MRPS5: variants seen among roughly 807,000 people sequenced by gnomAD.
MRPS5 encodes small ribosomal subunit protein uS5m.
A neutral mutation model predicts 51.9 loss-of-function variants in MRPS5; 27 were observed. The observed-to-expected ratio is 0.52, with a 90% CI of 0.38 to 0.72. The LOEUF is 0.72. Ranked by LOEUF, MRPS5 falls within the 30% of genes least tolerant of loss-of-function variation. MRPS5 has a pLI of 0.00. For missense variants in MRPS5, 570 were observed against 545.7 expected, an observed-to-expected ratio of 1.04 and a Z score of -0.44; for synonymous variants, 196 against 193.2, an observed-to-expected ratio of 1.01 and a Z score of -0.12.
In MRPS5 at chr2:95,087,313, A is replaced by C; in HGVS notation, c.*44T>G. 1.3e-6 allele frequency: 2 copies of C among 1,513,340 alleles called. No homozygotes were observed. Among genetic ancestry groups the C allele is most frequent in the Non-Finnish European group, 1.8e-6 (2 of 1,091,478 alleles). 93.7% of individuals were successfully genotyped at this position (1,513,340 alleles called of 1,614,324 possible). ...AGCTGTGAGGGGCTGAGTCTCTCCTAGGTGCAGGGCAGCACAGGAACTGGC... is the reference window on the plus strand; with the variant it reads ...AGCTGTGAGGGGCTGAGTCTCTCCTCGGTGCAGGGCAGCACAGGAACTGGC... On this transcript the variant is annotated 3_prime_UTR_variant, in exon 12 of 12. Transcript: ENST00000272418.
chr2:95,118,023 A>G (rs1239819835), intron 1 of MRPS5, 78 bp from the exon 2 acceptor site: 5 of 1,077,402 alleles, frequency 4.6e-6, no homozygotes, highest in Middle Eastern at 3.0e-4. Context: ...CCCACAAAAT[A>G]TATCTATAGA....
chr2:95,102,187 C>T (rs926041819), intron 7 of MRPS5, among the ~76,000 whole-genome samples: 1 of 150,762 alleles, frequency 6.6e-6, no homozygotes, highest in Non-Finnish European at 1.5e-5. Flanking sequence ...TAACAAAGCA[C>T]GAGGCTACAG....
rs764228698 is a variant in MRPS5, at chr2:95,100,471, T to C, written c.931+3A>G. 43 of 1,592,478 alleles carry C rather than the reference T, an allele frequency of 2.7e-5. No homozygotes were observed. Among genetic ancestry groups the C allele is most frequent in the Non-Finnish European group, 3.7e-5 (43 of 1,160,842 alleles). ...CAACAAATGGTAAGAGTTTTAAAGT[T>C]ACCTTTGGGTTGTTTCTTCATCTTG... On this transcript the variant is annotated splice_donor_region_variant and intron_variant, in intron 10 of 11. Coordinates refer to ENST00000272418, the MANE Select transcript of MRPS5 (RefSeq NM_031902.5).
Position 95,087,383 on chromosome 2 carries a change from A to T in MRPS5, c.1267T>A (p.Ser423Thr). ...TAQGMKRSVW[S>T]NLKRAAT ...TACGTGGCGGCTCTCTTCAAATTAG[A>T]CCACACAGAGCGCTTCATTCCCTGT... The change falls in exon 12 of 12, where the codon TCT (serine) becomes ACT (threonine). Residue 423 changes from serine to threonine, a missense_variant. By Grantham distance (58) the Ser-to-Thr change is moderately conservative. Transcript: ENST00000272418. 6.2e-7 allele frequency: 1 copy of T among 1,614,126 alleles called. No individual in the cohort carries two copies. The highest frequency in any genetic ancestry group is 8.5e-7 in the Non-Finnish European group (1 of 1,180,034).
At chr2:95,108,610 A>G (rs1057444183) in intron 4 of MRPS5, among the ~76,000 whole-genome samples, 9 of 152,210 alleles carry the variant, frequency 5.9e-5, no homozygotes, top group African/African-American at 2.2e-4. Flanking sequence ...ACTCACATAC[A>G]GGTACAAGGC....
intron 10 of MRPS5, among the ~76,000 whole-genome samples, chr2:95,098,149 C>T (rs1268248611): frequency 1.3e-5 from 2 of 152,222 alleles, no homozygotes. Context: ...GATACCATCT[C>T]ACACCAGTTA....
intron 3 of MRPS5, among the ~76,000 whole-genome samples, chr2:95,111,428 T>A (rs1482764839): frequency 2.0e-5 from 3 of 152,134 alleles, no homozygotes; most frequent in African/African-American, 7.2e-5. Context: ...AACCCTTAAA[T>A]CACTCATTAA....
intron 4 of MRPS5, 126 bp from the exon 5 acceptor site, chr2:95,108,534 T>A: frequency 1.3e-6 from 1 of 784,094 alleles, no homozygotes; most frequent in Non-Finnish European, 2.0e-6. Flanking sequence ...CTAACATTAT[T>A]AACTTGGTAG....
intron 3 of MRPS5, among the ~76,000 whole-genome samples, chr2:95,113,894 G>C (rs1466064421): frequency 2.6e-5 from 4 of 151,942 alleles, no homozygotes; most frequent in Non-Finnish European, 5.9e-5. Flanking sequence ...GGCTGAGGCA[G>C]GTGGATCACA....
chr2:95,119,157 A>C (rs184543672), intron 1 of MRPS5, among the ~76,000 whole-genome samples: 1 of 152,370 alleles, frequency 6.6e-6, no homozygotes, highest in African/African-American at 2.4e-5. Flanking sequence ...CAATAAAGAC[A>C]ACCCAATATA....
At chr2:95,112,793 A>G (rs1676161398) in intron 3 of MRPS5, among the ~76,000 whole-genome samples, 2 of 152,068 alleles carry the variant, frequency 1.3e-5, no homozygotes, top group South Asian at 4.1e-4. Context: ...TCACGAGGTC[A>G]GGAGATCGAG....
At chr2:95,120,631 A>G (rs764219005) in intron 1 of MRPS5, among the ~76,000 whole-genome samples, 7 of 152,248 alleles carry the variant, frequency 4.6e-5, no homozygotes, top group Non-Finnish European at 7.3e-5. Flanking sequence ...CAGGCTTCGG[A>G]GCCAGGTGAT....
chr2:95,107,235 A>G (rs1675976533), intron 5 of MRPS5, among the ~76,000 whole-genome samples: 1 of 152,212 alleles, frequency 6.6e-6, no homozygotes, highest in Non-Finnish European at 1.5e-5. Context: ...CCAGTTTCAG[A>G]TACTCTACCT....
intron 3 of MRPS5, among the ~76,000 whole-genome samples, chr2:95,110,997 C>T (rs531478660): frequency 1.4e-4 from 22 of 152,166 alleles, no homozygotes; most frequent in Non-Finnish European, 1.9e-4. Context: ...CAAGGTCTTA[C>T]GCTGATCCTC....
At chr2:95,121,990 C>A, upstream of MRPS5, 2 of 570,082 alleles carry the variant, frequency 3.5e-6, no homozygotes, top group Non-Finnish European at 5.6e-6. Flanking sequence ...CCGCGGACAG[C>A]CCCGCGGGCG....
chr2:95,104,801 C>A (rs1297124061), intron 6 of MRPS5, 71 bp from the exon 7 acceptor site: 3 of 1,422,048 alleles, frequency 2.1e-6, no homozygotes, highest in South Asian at 2.5e-5. Flanking sequence ...AGGGAGCCGC[C>A]TTCCTTGCAG....
intron 11 of MRPS5, 84 bp downstream of exon 11, chr2:95,090,302 G>C (rs1275636728): frequency 2.1e-6 from 3 of 1,451,178 alleles, no homozygotes; most frequent in Non-Finnish European, 2.8e-6. Context: ...AGCATCTCCA[G>C]GAGGCCCCAG....
At chr2:95,101,181 C>T (rs1433176011) in intron 8 of MRPS5, among the ~76,000 whole-genome samples, 2 of 151,924 alleles carry the variant, frequency 1.3e-5, no homozygotes, top group South Asian at 2.1e-4. Context: ...ATCAGGAGTT[C>T]GAGACCAGTC....
Position 95,117,891 on chromosome 2 carries a change from A to G in MRPS5, c.113T>C (p.Leu38Ser). 6.2e-7 allele frequency: 1 copy of G among 1,609,566 alleles called. No individual in the cohort carries two copies. The highest frequency in any genetic ancestry group is 8.5e-7 in the Non-Finnish European group (1 of 1,179,068). ...SLNTLPAASI[L>S]AWKSVLGNGH... ...ATTGCCGAGAACACTCTTCCATGCC[A>G]AAATGGAAGCTGCTGGTAAGGTGTT... Residue 38 changes from leucine to serine, a missense_variant, in exon 2 of 12, where the codon TTG (leucine) becomes TCG (serine). Coordinates refer to ENST00000272418, the MANE Select transcript of MRPS5 (RefSeq NM_031902.5).
Sources: gnomAD v4.1 joint callset for allele counts (sites outside exome capture counted in the v4.1 genomes callset) on GRCh38, gnomAD v4.1.1 for gene constraint, MANE v1.5 for transcripts, NCBI Gene and HGNC (gene_info 2026-07-23, HGNC 2026-07-21) for gene names.